SEC24D: variants seen among roughly 807,000 people sequenced by gnomAD.
SEC24D encodes the protein protein transport protein Sec24D.
SEC24D carries 69 observed loss-of-function variants against 116.9 expected under a neutral mutation model. That is an observed-to-expected ratio of 0.59 (90% CI 0.49 to 0.72). The LOEUF (loss-of-function observed/expected upper bound fraction) is 0.72, where lower values mean the gene tolerates loss of function less well. Ranked by LOEUF, SEC24D falls within the 30% of genes least tolerant of loss-of-function variation. The pLI is 0.00. For synonymous variants in SEC24D, 405 were observed against 442.8 expected (o/e 0.91, Z 1.07); for missense variants, 1,131 against 1,264.1 (o/e 0.89, Z 1.60).
chr4:118,769,887 T>G (rs1048236847), intron 8 of SEC24D: 1 of 152,214 alleles, frequency 6.6e-6, no homozygotes, highest in South Asian at 2.1e-4. Flanking sequence ...GTAATACATG[T>G]GCAGTGTACA....
chr4:118,725,932 G>A (rs1306145308), intron 22 of SEC24D, among the ~76,000 whole-genome samples: 1 of 152,156 alleles, frequency 6.6e-6, no homozygotes, highest in Non-Finnish European at 1.5e-5. Context: ...GTATGGATTG[G>A]TAGATCCATC....
rs145115129 is a variant in SEC24D at position 118,815,475 on chromosome 4, C to G, written c.649G>C (p.Gly217Arg). 1 of 1,614,154 alleles carries G rather than the reference C, an allele frequency of 6.2e-7. No individual in the cohort carries two copies. Among genetic ancestry groups the G allele is most frequent in the South Asian group, 1.1e-5 (1 of 91,084 alleles). ...CCCTGCTGCGGAGGATATCCAGCAC[C>G]CAAGGTCTGGCCTGGAAGAGGTGGG... ...QPPPLPGQTL[G>R]AGYPPQQANS... is the part of the protein sequence containing the mutation. Residue 217 changes from glycine (G) to arginine (R), a missense_variant, in exon 5 of 23, where the codon GGT becomes CGT. Transcript: ENST00000280551.
intron 8 of SEC24D, among the ~76,000 whole-genome samples, chr4:118,784,014 C>T (rs1157841720): frequency 6.6e-6 from 1 of 152,182 alleles, no homozygotes; most frequent in Non-Finnish European, 1.5e-5. Flanking sequence ...ACCAGCCTGG[C>T]CAACATGGCG....
chr4:118,742,582 A>T (rs1213253274), intron 15 of SEC24D, among the ~76,000 whole-genome samples: 2 of 152,214 alleles, frequency 1.3e-5, no homozygotes, highest in Non-Finnish European at 2.9e-5. Flanking sequence ...AGAGTTGTTA[A>T]AGCTTTTTCA....
intron 13 of SEC24D, among the ~76,000 whole-genome samples, chr4:118,748,771 TCTC>T (rs1726671448): frequency 1.3e-5 from 2 of 152,030 alleles, no homozygotes; most frequent in Non-Finnish European, 2.9e-5. Flanking sequence ...CCTACTGTCT[TCTC>T]CTGTAGATCA....
intron 8 of SEC24D, among the ~76,000 whole-genome samples, chr4:118,770,681 T>G (rs1727859413): frequency 6.6e-6 from 1 of 152,194 alleles, no homozygotes; most frequent in South Asian, 2.1e-4. Flanking sequence ...GGAAGCAAAT[T>G]TGACCTTATT....
chr4:118,791,112 T>TAA (rs1728874639), intron 8 of SEC24D, among the ~76,000 whole-genome samples: 1 of 152,116 alleles, frequency 6.6e-6, no homozygotes, highest in Non-Finnish European at 1.5e-5. Context: ...ATTGTTTAGT[T>TAA]TTTTATTTTT....
chr4:118,783,481 A>G (rs1209635130), intron 8 of SEC24D, among the ~76,000 whole-genome samples: 1 of 152,226 alleles, frequency 6.6e-6, no homozygotes, highest in African/African-American at 2.4e-5. Flanking sequence ...TCACTGACAT[A>G]TCTCAAGTGC....
At position 118,739,271 on chromosome 4, in the gene SEC24D, G is replaced by T; in HGVS notation, c.2255C>A (p.Thr752Lys). The T allele has an allele frequency of 6.2e-7, 1 of 1,613,436 alleles. No homozygotes were observed. The highest frequency in any genetic ancestry group is 1.3e-5 in the African/African-American group (1 of 75,002). ...GALIQCAVLY[T>K]TISGQRRLRI... Reference sequence around the variant, plus strand: ...AAGTCTTCTTTGACCACTGATTGTCGTGTAAAGCACAGCACACTGTAGAAG... The same window carrying T: ...AAGTCTTCTTTGACCACTGATTGTCTTGTAAAGCACAGCACACTGTAGAAG... Residue 752 changes from threonine (T) to lysine (K), a missense_variant, in exon 18 of 23, where the codon ACG (threonine) becomes AAG (lysine). Transcript: ENST00000280551.
chr4:118,772,995 T>C (rs17839115), intron 8 of SEC24D, among the ~76,000 whole-genome samples: 2,403 of 152,232 alleles, frequency 0.016, 52 homozygotes, highest in African/African-American at 0.055. Context: ...CCACTCTCCT[T>C]ATCTTTCAGC....
chr4:118,833,465 C>A (rs1008524877), intron 2 of SEC24D, 114 bp downstream of exon 2: 10 of 694,254 alleles, frequency 1.4e-5, no homozygotes, highest in Admixed American at 2.7e-5. Flanking sequence ...AATCTCAAGC[C>A]ATTTCATTAT....
intron 9 of SEC24D, chr4:118,766,955 G>A (rs1234315911): frequency 1.3e-5 from 2 of 152,220 alleles, no homozygotes; most frequent in African/African-American, 4.8e-5. Flanking sequence ...AGAAAGAGAA[G>A]TGAGGGTAGA....
intron 9 of SEC24D, chr4:118,766,462 C>T (rs537113050): frequency 6.6e-6 from 1 of 152,304 alleles, no homozygotes; most frequent in South Asian, 2.1e-4. Flanking sequence ...TGTAGGGACA[C>T]ATATTTAAGC....
At chr4:118,750,106 A>T (rs1404186642) in intron 13 of SEC24D, among the ~76,000 whole-genome samples, 1 of 152,236 alleles carries the variant, frequency 6.6e-6, no homozygotes, top group Admixed American at 6.5e-5. Context: ...GATGCAAAAG[A>T]TATGAAGATA....
intron 2 of SEC24D, among the ~76,000 whole-genome samples, chr4:118,829,067 T>C (rs1578483001): frequency 1.3e-5 from 2 of 152,362 alleles, no homozygotes; most frequent in East Asian, 3.9e-4. Flanking sequence ...TACCACCCTC[T>C]ACTTCCTTTA....
intron 7 of SEC24D, among the ~76,000 whole-genome samples, chr4:118,804,328 G>T (rs1729573356): frequency 6.6e-6 from 1 of 152,026 alleles, no homozygotes; most frequent in African/African-American, 2.4e-5. Context: ...CCATCCTCAG[G>T]CTGTTGCAGA....
intron 13 of SEC24D, among the ~76,000 whole-genome samples, chr4:118,750,069 T>A (rs1252047588): frequency 1.3e-5 from 2 of 152,162 alleles, no homozygotes; most frequent in Admixed American, 6.5e-5. Flanking sequence ...ACTATAACAA[T>A]AAAATTGCAA....
chr4:118,775,649 C>T (rs1419144663), intron 8 of SEC24D, among the ~76,000 whole-genome samples: 4 of 152,050 alleles, frequency 2.6e-5, no homozygotes, highest in African/African-American at 4.8e-5. Context: ...GACAGACAGA[C>T]GCATACACAC....
intron 11 of SEC24D, among the ~76,000 whole-genome samples, chr4:118,755,094 T>C (rs1043206275): frequency 6.6e-6 from 1 of 152,170 alleles, no homozygotes; most frequent in African/African-American, 2.4e-5. Context: ...TCCTACATTA[T>C]TGCAAAATAT....
Sources: allele counts gnomAD v4.1 joint callset (sites outside exome capture counted in the v4.1 genomes callset), GRCh38; gene constraint gnomAD v4.1.1; transcripts MANE v1.5; gene names NCBI Gene and HGNC (gene_info 2026-07-23, HGNC 2026-07-21).